The following CDKL1 variants were observed in gnomAD, a reference collection of about 807,000 sequenced individuals.
The protein encoded by CDKL1 is cyclin-dependent kinase-like 1.
CDKL1 carries 41 observed loss-of-function variants against 42.0 expected under a neutral mutation model. The observed-to-expected ratio is 0.98, with a 90% CI of 0.76 to 1.27. The LOEUF (loss-of-function observed/expected upper bound fraction) is 1.27, where lower values mean the gene tolerates loss of function less well. Ranked by LOEUF, CDKL1 falls within the 50% of genes most tolerant of loss-of-function variation. The pLI is 0.00. For synonymous variants in CDKL1, 153 were observed against 158.6 expected (o/e 0.96, Z 0.26); for missense variants, 394 against 428.4 (o/e 0.92, Z 0.71).
At chr14:50,353,482 G>C (rs1396470871) in intron 3 of CDKL1, among the ~76,000 whole-genome samples, 1 of 151,838 alleles carries the variant, frequency 6.6e-6, no homozygotes, top group Non-Finnish European at 1.5e-5. Flanking sequence ...AGATGGGAAG[G>C]GCTGGGGGTC....
intron 6 of CDKL1, among the ~76,000 whole-genome samples, chr14:50,339,783 C>G (rs986159269): frequency 6.6e-6 from 1 of 152,040 alleles, no homozygotes; most frequent in Non-Finnish European, 1.5e-5. Context: ...GCTAAAATCC[C>G]CTTTATGTAA....
At chr14:50,342,770 G>T in intron 4 of CDKL1, 1 of 771,038 alleles carries the variant, frequency 1.3e-6, no homozygotes, top group Non-Finnish European at 1.7e-6. Context: ...AGTCAGCCTC[G>T]TAAACAGGAC....
intron 2 of CDKL1, among the ~76,000 whole-genome samples, chr14:50,381,413 C>G (rs1435207160): frequency 6.6e-6 from 1 of 152,336 alleles, no homozygotes; most frequent in Middle Eastern, 3.4e-3. Context: ...AAAGAGGTAG[C>G]TCCTTTTCCC....
chr14:50,378,816 C>T (rs781663141), intron 2 of CDKL1, among the ~76,000 whole-genome samples: 5 of 151,238 alleles, frequency 3.3e-5, no homozygotes, highest in African/African-American at 9.7e-5. Context: ...GGATTACAGA[C>T]GTGGGATACT....
chr14:50,358,427 C>A (rs777679028), intron 3 of CDKL1, among the ~76,000 whole-genome samples: 69 of 151,398 alleles, frequency 4.6e-4, no homozygotes, highest in Admixed American at 7.9e-4. Context: ...CATAGACTAA[C>A]TAATATCCTT....
chr14:50,372,414 G>C (rs758695017), intron 2 of CDKL1, among the ~76,000 whole-genome samples: 2 of 152,168 alleles, frequency 1.3e-5, no homozygotes, highest in Non-Finnish European at 2.9e-5. Flanking sequence ...CACCACACCC[G>C]GCCCGAGTTC....
intron 2 of CDKL1, among the ~76,000 whole-genome samples, chr14:50,374,006 A>C (rs1416205949): frequency 6.6e-6 from 1 of 152,268 alleles, no homozygotes; most frequent in South Asian, 2.1e-4. Flanking sequence ...CATAATCACC[A>C]AAAACTAGAA....
At chr14:50,343,455 T>C (rs1475404906) in intron 4 of CDKL1, among the ~76,000 whole-genome samples, 2 of 152,174 alleles carry the variant, frequency 1.3e-5, no homozygotes, top group African/African-American at 4.8e-5. Context: ...AAAACAACTT[T>C]GGGATTTTAT....
intron 4 of CDKL1, chr14:50,342,701 C>A: frequency 3.2e-6 from 1 of 315,928 alleles, no homozygotes; most frequent in Non-Finnish European, 5.2e-6. Flanking sequence ...GTTGCAGGAG[C>A]TGCAAATTGG....
chr14:50,330,237 TA>T (rs1455912823), intron 9 of CDKL1, 56 bp from the exon 10 acceptor site: 1 of 1,563,246 alleles, frequency 6.4e-7, no homozygotes, highest in Non-Finnish European at 8.6e-7. Context: ...TTTTTTTCAT[TA>T]TTTAGAATAT....
intron 3 of CDKL1, among the ~76,000 whole-genome samples, chr14:50,347,078 T>A (rs1295338920): frequency 6.6e-6 from 1 of 152,242 alleles, no homozygotes; most frequent in African/African-American, 2.4e-5. Flanking sequence ...ATTGCTCCTT[T>A]AATCCCCAGC....
At chr14:50,359,748 A>G (rs953658996) in intron 2 of CDKL1, among the ~76,000 whole-genome samples, 5 of 147,440 alleles carry the variant, frequency 3.4e-5, no homozygotes, top group Non-Finnish European at 5.9e-5. Flanking sequence ...CAGGCATTCC[A>G]TCGTTATTTA....
At chr14:50,343,385 A>T (rs903332660) in intron 4 of CDKL1, among the ~76,000 whole-genome samples, 7 of 152,132 alleles carry the variant, frequency 4.6e-5, no homozygotes, top group Admixed American at 1.3e-4. Context: ...CTTCAGGATG[A>T]GAGATCAGTG....
intron 8 of CDKL1, 105 bp from the exon 9 acceptor site, chr14:50,332,537 A>C: frequency 2.7e-6 from 4 of 1,498,654 alleles, no homozygotes; most frequent in East Asian, 2.4e-5. Flanking sequence ...TGCAATAAGA[A>C]GGGGGAAAAG....
At chr14:50,344,620 C>T (rs1595285585) in intron 4 of CDKL1, among the ~76,000 whole-genome samples, 1 of 151,838 alleles carries the variant, frequency 6.6e-6, no homozygotes. Flanking sequence ...CAGGCACACA[C>T]CACCGCACCC....
At chr14:50,345,794 C>G (rs1480136749) in intron 3 of CDKL1, among the ~76,000 whole-genome samples, 1 of 152,156 alleles carries the variant, frequency 6.6e-6, no homozygotes, top group East Asian at 1.9e-4. Flanking sequence ...CTACTCTCTC[C>G]TCCATCACCA....
At chr14:50,336,430 A>G (rs1307137567) in intron 7 of CDKL1, among the ~76,000 whole-genome samples, 1 of 152,212 alleles carries the variant, frequency 6.6e-6, no homozygotes, top group Admixed American at 6.5e-5. Flanking sequence ...CCAGATCACA[A>G]GGAAGCCAGA....
intron 2 of CDKL1, among the ~76,000 whole-genome samples, chr14:50,381,164 G>A (rs145426747): frequency 1.7e-4 from 26 of 152,294 alleles, no homozygotes; most frequent in Admixed American, 3.9e-4. Flanking sequence ...TTGCACAGCA[G>A]GTCAAAGCTG....
At position 50,335,405 on chromosome 14, in the gene CDKL1, C is replaced by A. The variant is rs537144186; in HGVS notation, c.739-784G>T. ...AGGTGAACAGATGCTTCTTGATTTT[C>A]TGGAATAAACACTGTTGTCTCCTCC... On this transcript the variant is annotated intron_variant, in intron 7 of 9. Coordinates refer to ENST00000395834, the MANE Select transcript of CDKL1 (RefSeq NM_004196.7). 13 of 1,299,206 alleles carry A rather than the reference C, an allele frequency of 1.0e-5. No individual in the cohort carries two copies. The African/African-American group carries it at 1.3e-4, about 13-fold the overall frequency. 80.5% of individuals were successfully genotyped at this position (1,299,206 alleles called of 1,614,324 possible). A position where few individuals can be genotyped will look rare whatever the true frequency, so the allele number is the denominator to read the frequency against.
Sources: gnomAD v4.1 joint callset for allele counts (sites outside exome capture counted in the v4.1 genomes callset) on GRCh38, gnomAD v4.1.1 for gene constraint, MANE v1.5 for transcripts, NCBI Gene and HGNC (gene_info 2026-07-23, HGNC 2026-07-21) for gene names.